NLRP4: variants seen among roughly 807,000 people sequenced by gnomAD.
NLRP4 encodes NLR family pyrin domain containing 4.
In NLRP4, 44 loss-of-function variants were observed where a neutral mutation model predicts 84.7. The observed-to-expected ratio is 0.52, with a 90% CI of 0.41 to 0.67. The LOEUF (loss-of-function observed/expected upper bound fraction) is 0.67, where lower values mean the gene tolerates loss of function less well. Among genes scored for constraint, NLRP4 ranks in the 30% least tolerant of loss-of-function variants. The pLI is 0.00. For missense variants in NLRP4, 1,260 were observed against 1,219.4 expected (o/e 1.03, Z -0.50); for synonymous variants, 544 against 476.4 (o/e 1.14, Z -1.85).
At chr19:55,838,035 C>CCAAAAAAAAAAAAAAAAA (rs59078329) in intron 1 of NLRP4, among the ~76,000 whole-genome samples, 3 of 132,722 alleles carry the variant, frequency 2.3e-5, no homozygotes, top group South Asian at 2.3e-4. Context: ...GACTCGGTCT[C>CCAAAAAAAAAAAAAAAAA]AAGCTGGATG....
intron 7 of NLRP4, among the ~76,000 whole-genome samples, chr19:55,875,286 T>A (rs778270908): frequency 8.5e-5 from 13 of 152,200 alleles, no homozygotes; most frequent in Non-Finnish European, 1.9e-4. Context: ...AAGAAACACC[T>A]AATTCTATAC....
chr19:55,858,863 A>T lies in NLRP4; in HGVS notation c.1470A>T (p.Lys490Asn). ...VQELLVANFEKARRAHWIFLG... is the reference protein window; with the variant it reads ...VQELLVANFENARRAHWIFLG... Reference sequence around the variant, plus strand: ...AATTGCTAGTTGCCAATTTTGAAAAAGCAAGGAGAGCACATTGGATTTTTT... The same window carrying T: ...AATTGCTAGTTGCCAATTTTGAAAATGCAAGGAGAGCACATTGGATTTTTT... Residue 490 changes from lysine (K) to asparagine (N), a missense_variant, in exon 3 of 10, where the codon AAA becomes AAT. Coordinates refer to ENST00000301295, the MANE Select transcript of NLRP4 (RefSeq NM_134444.5). This position sits in a 1 kb window ranked among gnomAD's most constrained non-coding sequence, Gnocchi z 4.2. The T allele has an allele frequency of 6.2e-7, 1 of 1,614,230 alleles. No individual in the cohort carries two copies. The highest frequency in any genetic ancestry group is 1.6e-4 in the Middle Eastern group (1 of 6,062).
intron 7 of NLRP4, among the ~76,000 whole-genome samples, chr19:55,875,525 C>CA (rs1377995388): frequency 6.6e-6 from 1 of 152,078 alleles, no homozygotes; most frequent in Non-Finnish European, 1.5e-5. Context: ...AGAATATGAT[C>CA]AAATTATGGT....
At position 55,858,128 on chromosome 19, in the gene NLRP4, G is replaced by A. The variant is rs545483573; in HGVS notation, c.735G>A (p.Ser245=). 66 of 1,614,104 alleles carry A rather than the reference G, an allele frequency of 4.1e-5. No individual in the cohort carries two copies. The highest frequency in any genetic ancestry group is 2.7e-4 in the Admixed American group (16 of 60,012). Residue 245 remains serine, a synonymous_variant, in exon 3 of 10, where the codon TCG becomes TCA. Transcript: ENST00000301295. This position sits in a 1 kb window ranked among gnomAD's most constrained non-coding sequence, Gnocchi z 4.2. Reference sequence around the variant, plus strand: ...AGGGCGGCTTGAACGAACCCGATTCGGATCTGTGTGGTGACTTGATGGAGA... The same window carrying A: ...AGGGCGGCTTGAACGAACCCGATTCAGATCTGTGTGGTGACTTGATGGAGA... ...ELQGGLNEPD[S]DLCGDLMEKR... is the part of the protein sequence containing the mutation.
intron 9 of NLRP4, among the ~76,000 whole-genome samples, chr19:55,879,675 C>G (rs1312455053): frequency 6.6e-6 from 1 of 152,180 alleles, no homozygotes; most frequent in Non-Finnish European, 1.5e-5. Context: ...AATCTTCGCG[C>G]TCCCTTATTT....
At chr19:55,850,148 T>A (rs1392797686) in intron 1 of NLRP4, among the ~76,000 whole-genome samples, 10 of 143,272 alleles carry the variant, frequency 7.0e-5, no homozygotes, top group African/African-American at 2.0e-4. Flanking sequence ...CGGTGTAATT[T>A]CCGAGGCTGC....
intron 3 of NLRP4, among the ~76,000 whole-genome samples, chr19:55,859,453 C>G (rs573230132): frequency 2.4e-4 from 36 of 152,146 alleles, no homozygotes; most frequent in Non-Finnish European, 4.7e-4. Context: ...TGCAGTGGCC[C>G]CATTACAGAA....
chr19:55,862,088 ACT>A lies in NLRP4; in HGVS notation c.2121_2122del (p.Arg708Ter), dbSNP rs1984781749. The A allele has an allele frequency of 3.7e-6, 6 of 1,613,106 alleles. No individual in the cohort carries two copies. In the Admixed American group the frequency reaches 5.0e-5, roughly 13 times the overall value. Reference sequence around the variant, plus strand: ...AATACCTGAGCTTCACCCTCACGAAACTCTCTCGTGATGACATCAGGTCCCTC... The same window carrying A: ...AATACCTGAGCTTCACCCTCACGAAACTCTCGTGATGACATCAGGTCCCTC... ...LKYLSFTLTK[L>X]SRDDIRSLCD... On this transcript the variant is annotated frameshift_variant, in exon 5 of 10. Coordinates refer to ENST00000301295, the MANE Select transcript of NLRP4 (RefSeq NM_134444.5). LOFTEE classifies it high-confidence loss of function.
At chr19:55,868,076 G>A (rs140485359) in intron 6 of NLRP4, among the ~76,000 whole-genome samples, 200 bp downstream of exon 6, 2 of 152,338 alleles carry the variant, frequency 1.3e-5, no homozygotes, top group East Asian at 3.9e-4. Flanking sequence ...ATTTAACTTA[G>A]AAGCAGAGGA....
At chr19:55,851,019 GGT>G (rs1250740859) in intron 1 of NLRP4, among the ~76,000 whole-genome samples, 1 of 130,210 alleles carries the variant, frequency 7.7e-6, no homozygotes, top group East Asian at 2.4e-4. Context: ...CCGTGGCTGC[GGT>G]GTAATGTCCG....
chr19:55,838,453 A>G (rs893047935), intron 1 of NLRP4, among the ~76,000 whole-genome samples: 12 of 152,056 alleles, frequency 7.9e-5, no homozygotes, highest in African/African-American at 2.7e-4. Context: ...CCTGGGTTTC[A>G]GAGAGAGCAG....
intron 3 of NLRP4, among the ~76,000 whole-genome samples, 188 bp from the exon 4 acceptor site, chr19:55,861,198 G>A (rs934072124): frequency 2.6e-5 from 4 of 152,176 alleles, no homozygotes; most frequent in Non-Finnish European, 4.4e-5. Flanking sequence ...CCCCTGGGGG[G>A]AAACGTCACC....
rs375537193 is a variant in NLRP4 at position 55,867,778 on chromosome 19, G to C, written c.2256G>C (p.Lys752Asn). The change falls in exon 6 of 10, where the codon AAG becomes AAC. Residue 752 changes from lysine to asparagine, a missense_variant. Physicochemically the swap from Lys to Asn is moderately conservative, Grantham distance 94. Around this residue, in one of 3 missense-constraint regions of NLRP4, gnomAD observed 544 missense variants for 531.7 expected, o/e 1.02. Transcript: ENST00000301295. ...VLAGLLTNNK[K>N]LTYLNVSCNQ... Reference sequence around the variant, plus strand: ...CTGGCCTTCTAACCAACAACAAGAAGCTGACGTATCTGAATGTATCCTGCA... The same window carrying C: ...CTGGCCTTCTAACCAACAACAAGAACCTGACGTATCTGAATGTATCCTGCA... The C allele has an allele frequency of 1.2e-6, 2 of 1,614,140 alleles. No individual in the cohort carries two copies. The highest frequency in any genetic ancestry group is 1.3e-5 in the African/African-American group (1 of 75,060).
chr19:55,852,459 C>T (rs1439671069), intron 2 of NLRP4, 99 bp downstream of exon 2: 2 of 684,012 alleles, frequency 2.9e-6, no homozygotes, highest in Non-Finnish European at 4.9e-6. Flanking sequence ...CCTGAATGTG[C>T]TATGGGAAAA....
At chr19:55,876,496 G>T (rs985206546) in intron 7 of NLRP4, among the ~76,000 whole-genome samples, 1 of 152,002 alleles carries the variant, frequency 6.6e-6, no homozygotes, top group African/African-American at 2.4e-5. Context: ...CTACAGGCAC[G>T]CATCGCCATG....
At position 55,860,764 on chromosome 19, in the gene NLRP4, C is replaced by T. The variant is rs1207678857; in HGVS notation, c.1857-622C>T. Among the ~76,000 whole-genome samples, 5 of 152,060 alleles carry T rather than the reference C, an allele frequency of 3.3e-5. No homozygotes were observed. The East Asian group carries it at 9.6e-4, about 29-fold the overall frequency. ...ACTTAATGGCTGGGCTGTGCTGCCT[C>T]ATCTTTTACTGTAAACCAGCCTGAC... On this transcript the variant is annotated intron_variant, in intron 3 of 9. Coordinates refer to ENST00000301295, the MANE Select transcript of NLRP4 (RefSeq NM_134444.5).
chr19:55,864,824 T>C (rs1984892338), intron 5 of NLRP4, among the ~76,000 whole-genome samples: 1 of 152,190 alleles, frequency 6.6e-6, no homozygotes, highest in Admixed American at 6.5e-5. Flanking sequence ...GATTTGCTTT[T>C]CCTGAATGAC....
chr19:55,869,766 A>G (rs302437), intron 6 of NLRP4, among the ~76,000 whole-genome samples: 101,520 of 151,184 alleles, frequency 0.67, 34,519 homozygotes, highest in East Asian at 0.83. Flanking sequence ...CTTTTTTTTC[A>G]AAGTCAACAT....
At chr19:55,841,279 C>A (rs74409186) in intron 1 of NLRP4, among the ~76,000 whole-genome samples, 12 of 152,138 alleles carry the variant, frequency 7.9e-5, no homozygotes, top group African/African-American at 2.9e-4. Context: ...CCTGGTCTCC[C>A]GTTACTCTCC....
Sources: allele counts gnomAD v4.1 joint callset (sites outside exome capture counted in the v4.1 genomes callset), GRCh38; gene constraint gnomAD v4.1.1; regional missense constraint gnomAD v4.1.1; non-coding constraint Gnocchi (gnomAD v3.1); transcripts MANE v1.5; gene names NCBI Gene and HGNC (gene_info 2026-07-23, HGNC 2026-07-21).